Variants in WDR64 observed in about 807,000 individuals in gnomAD.
WDR64 encodes the protein WD repeat-containing protein 64.
A neutral mutation model predicts 139.3 loss-of-function variants in WDR64; 112 were observed. The observed-to-expected ratio is 0.80, with a 90% CI of 0.69 to 0.94. The LOEUF is 0.94. Ranked by LOEUF, WDR64 falls within the 40% of genes least tolerant of loss-of-function variation. WDR64 has a pLI of 0.00. For synonymous variants in WDR64, 444 were observed against 437.7 expected, an observed-to-expected ratio of 1.01 and a Z score of -0.18; for missense variants, 1,206 against 1,293.1, an observed-to-expected ratio of 0.93 and a Z score of 1.03.
At chr1:241,743,710 A>G (rs1252337186) in intron 12 of WDR64, among the ~76,000 whole-genome samples, 1 of 152,176 alleles carries the variant, frequency 6.6e-6, no homozygotes, top group East Asian at 1.9e-4. Context: ...TAGACAGAAA[A>G]TCTGCAGGTC....
At position 241,652,552 on chromosome 1, in the gene WDR64, A is replaced by C; in HGVS notation, c.68A>C (p.Asn23Thr). 6.4e-7 allele frequency: 1 copy of C among 1,552,184 alleles called. No individual in the cohort carries two copies. Residue 23 changes from asparagine to threonine, a missense_variant, in exon 1 of 28, where the codon AAC becomes ACC. Transcript: ENST00000437684. ...ATGAGCAATTTCAAAAAGGCTTTGA[A>C]CAGGTTTGAAAAATTGGTTGAACAA... ...LQMSNFKKAL[N>T]RFEKLVEQTA... is the part of the protein sequence containing the mutation.
intron 8 of WDR64, among the ~76,000 whole-genome samples, chr1:241,688,141 T>C (rs1368780018): frequency 6.6e-6 from 1 of 152,178 alleles, no homozygotes; most frequent in Admixed American, 6.5e-5. Flanking sequence ...CATGAATGAA[T>C]ATCAAAAACA....
intron 10 of WDR64, 28 bp from the exon 11 acceptor site, chr1:241,738,335 T>C (rs1264233162): frequency 6.2e-7 from 1 of 1,608,028 alleles, no homozygotes; most frequent in Middle Eastern, 1.7e-4. Flanking sequence ...GTATAAATAG[T>C]GGTAAACTGT....
chr1:241,766,405 A>T, intron 16 of WDR64, 54 bp downstream of exon 16: 1 of 1,568,230 alleles, frequency 6.4e-7, no homozygotes, highest in East Asian at 2.3e-5. Context: ...AGAAGGGCTC[A>T]GTAGCATGCA....
At chr1:241,679,999 C>A (rs1273672475) in intron 6 of WDR64, among the ~76,000 whole-genome samples, 1 of 152,092 alleles carries the variant, frequency 6.6e-6, no homozygotes, top group African/African-American at 2.4e-5. Context: ...ATGAGGCAGC[C>A]CTTCAGTGGC....
At chr1:241,772,975 G>A (rs1658519489) in intron 20 of WDR64, 44 bp downstream of exon 20, 1 of 1,514,010 alleles carries the variant, frequency 6.6e-7, no homozygotes, top group African/African-American at 1.4e-5. Context: ...GAATGGGAAA[G>A]ATAAAAAGAA....
At chr1:241,769,932 T>C (rs1392290303) in intron 17 of WDR64, among the ~76,000 whole-genome samples, 1 of 152,210 alleles carries the variant, frequency 6.6e-6, no homozygotes, top group Admixed American at 6.5e-5. Context: ...AACTGAGCAA[T>C]TGTCATCCAT....
chr1:241,653,689 A>G (rs1205337962), intron 1 of WDR64, among the ~76,000 whole-genome samples: 1 of 151,524 alleles, frequency 6.6e-6, no homozygotes, highest in Non-Finnish European at 1.5e-5. Context: ...GATTACAGGC[A>G]CCCACCACCA....
intron 9 of WDR64, among the ~76,000 whole-genome samples, chr1:241,721,610 T>C (rs1668613943): frequency 6.6e-6 from 1 of 152,138 alleles, no homozygotes; most frequent in Admixed American, 6.6e-5. Flanking sequence ...TTTCTTTCTT[T>C]TGTGAGATAA....
chr1:241,791,442 A>G (rs1659212335), intron 25 of WDR64, among the ~76,000 whole-genome samples: 1 of 152,178 alleles, frequency 6.6e-6, no homozygotes, highest in Admixed American at 6.5e-5. Context: ...CAAGGTGGAA[A>G]GATCCCTAGA....
chr1:241,722,846 A>T (rs767208770), intron 9 of WDR64, among the ~76,000 whole-genome samples: 5 of 152,316 alleles, frequency 3.3e-5, no homozygotes, highest in Middle Eastern at 6.8e-3. Context: ...AGACGGAAAA[A>T]TGACAACAGT....
chr1:241,754,706 A>G (rs1357122542), intron 14 of WDR64, among the ~76,000 whole-genome samples: 1 of 151,320 alleles, frequency 6.6e-6, no homozygotes, highest in Non-Finnish European at 1.5e-5. Flanking sequence ...TTCTCCTAAC[A>G]CCATTGCTCC....
intron 6 of WDR64, among the ~76,000 whole-genome samples, chr1:241,681,822 G>A (rs1185052891): frequency 6.6e-6 from 1 of 152,154 alleles, no homozygotes; most frequent in Non-Finnish European, 1.5e-5. Flanking sequence ...CATTCTTTCA[G>A]GAGTAAGATG....
intron 14 of WDR64, among the ~76,000 whole-genome samples, chr1:241,752,988 C>T (rs1367515385): frequency 1.3e-5 from 2 of 152,108 alleles, no homozygotes; most frequent in African/African-American, 4.8e-5. Context: ...TCCTTCTATC[C>T]CACAATGGCA....
intron 10 of WDR64, among the ~76,000 whole-genome samples, chr1:241,728,904 A>G (rs183933360): frequency 6.6e-6 from 1 of 151,998 alleles, no homozygotes; most frequent in Admixed American, 6.6e-5. Context: ...AAAGTTGCTA[A>G]TTTTCGTACA....
intron 15 of WDR64, among the ~76,000 whole-genome samples, chr1:241,762,693 T>C (rs1394042101): frequency 6.6e-6 from 1 of 152,108 alleles, no homozygotes; most frequent in Non-Finnish European, 1.5e-5. Flanking sequence ...AGTCTTCAGT[T>C]TTTTTCTCCC....
intron 8 of WDR64, among the ~76,000 whole-genome samples, chr1:241,688,403 C>T (rs781564966): frequency 5.9e-5 from 9 of 151,972 alleles, no homozygotes; most frequent in Admixed American, 3.3e-4. Context: ...TTGAGTTGTA[C>T]GCTTACAATG....
intron 1 of WDR64, among the ~76,000 whole-genome samples, chr1:241,657,920 C>G (rs1558457343): frequency 6.6e-6 from 1 of 152,008 alleles, no homozygotes; most frequent in Admixed American, 6.6e-5. Context: ...TCCCTCATGC[C>G]TTTTGCAGCA....
chr1:241,674,257 T>TTTC (rs1364491148), intron 3 of WDR64, among the ~76,000 whole-genome samples: 7 of 27,116 alleles, frequency 2.6e-4, no homozygotes, highest in African/African-American at 5.9e-4. Flanking sequence ...TTTTTTTTTC[T>TTTC]TTTCTTTTTT....
Sources: allele counts gnomAD v4.1 joint callset (sites outside exome capture counted in the v4.1 genomes callset), GRCh38; gene constraint gnomAD v4.1.1; transcripts MANE v1.5; gene names NCBI Gene and HGNC (gene_info 2026-07-23, HGNC 2026-07-21).